IKZF1: variants seen among roughly 807,000 people sequenced by gnomAD.
IKZF1 encodes the protein DNA-binding protein Ikaros.
A neutral mutation model predicts 51.7 loss-of-function variants in IKZF1; 10 were observed. The observed-to-expected ratio is 0.19, with a 90% CI of 0.12 to 0.33. The LOEUF is 0.33. IKZF1 is among the 10% of genes least tolerant of loss of function. The pLI is 1.00. For missense variants in IKZF1, 484 were observed against 707.5 expected (o/e 0.68, Z 3.58); for synonymous variants, 280 against 282.3 (o/e 0.99, Z 0.08).
chr7:50,391,586 G>A, intron 6 of IKZF1, 143 bp from the exon 7 acceptor site: 1 of 1,264,784 alleles, frequency 7.9e-7, no homozygotes, highest in East Asian at 2.4e-5. Flanking sequence ...CTGTCTGGAA[G>A]TGTTGCTGGG....
chr7:50,329,717 C>A (rs1435362552), intron 3 of IKZF1, among the ~76,000 whole-genome samples: 2 of 152,184 alleles, frequency 1.3e-5, no homozygotes, highest in African/African-American at 4.8e-5. Context: ...GATGCTCACA[C>A]CCTGCCCAAG....
In IKZF1 at chr7:50,309,678, C is replaced by G. The variant is rs533859412; in HGVS notation, c.-15+4756C>G. On this transcript the variant is annotated intron_variant, in intron 1 of 7. Transcript: ENST00000331340. ...GAACAATGTGGTTTAGATTAGAGTC[C>G]TGTTCTGAAGCTAGGAGTTCCACTA... Among the ~76,000 whole-genome samples the G allele has an allele frequency of 5.3e-5, 8 of 152,222 alleles. No homozygotes were observed. The East Asian group carries it at 1.5e-3, about 29-fold the overall frequency.
At chr7:50,379,165 C>G (rs1584903251) in intron 4 of IKZF1, among the ~76,000 whole-genome samples, 1 of 152,336 alleles carries the variant, frequency 6.6e-6, no homozygotes, top group East Asian at 1.9e-4. Flanking sequence ...GCTTGTGGAG[C>G]ACAGAGCCGC....
intron 5 of IKZF1, among the ~76,000 whole-genome samples, chr7:50,383,084 A>G (rs1812320727): frequency 6.6e-6 from 1 of 152,194 alleles, no homozygotes; most frequent in African/African-American, 2.4e-5. Flanking sequence ...TTCAAGTACA[A>G]TTCTTTCTGT....
At chr7:50,390,168 C>T (rs547499768) in intron 6 of IKZF1, among the ~76,000 whole-genome samples, 16 of 152,272 alleles carry the variant, frequency 1.1e-4, no homozygotes, top group Admixed American at 9.8e-4. Flanking sequence ...GAGCATCAGG[C>T]TCACTTGTTC....
chr7:50,366,777 C>T (rs924654896), intron 3 of IKZF1, among the ~76,000 whole-genome samples: 1 of 152,134 alleles, frequency 6.6e-6, no homozygotes, highest in African/African-American at 2.4e-5. Flanking sequence ...AGCAGAATAA[C>T]TAAGGGCAAA....
At chr7:50,384,857 C>A (rs568641739) in intron 5 of IKZF1, among the ~76,000 whole-genome samples, 1 of 152,354 alleles carries the variant, frequency 6.6e-6, no homozygotes, top group Non-Finnish European at 1.5e-5. Context: ...GACACTCGTT[C>A]TTAGGTTGAC....
intron 3 of IKZF1, among the ~76,000 whole-genome samples, chr7:50,365,596 C>G (rs1002011249): frequency 6.6e-6 from 1 of 152,154 alleles, no homozygotes; most frequent in Non-Finnish European, 1.5e-5. Context: ...CCATCTCACA[C>G]CAGTCAGAAT....
intron 7 of IKZF1, chr7:50,394,456 G>A (rs1490785365): frequency 4.3e-6 from 1 of 233,146 alleles, no homozygotes; most frequent in Non-Finnish European, 8.5e-6. Context: ...TATCACACAA[G>A]CTGGCCCAAT....
Position 50,376,864 on chromosome 7 carries a change from CT to C in IKZF1, c.421+72del, listed in dbSNP as rs1365691034. 2.5e-6 allele frequency: 4 copies of C among 1,575,296 alleles called. No individual in the cohort carries two copies. The highest frequency in any genetic ancestry group is 3.4e-6 in the Non-Finnish European group (4 of 1,160,236). ...ATGGGGTTTGAAGGAGGAAAGCATC[CT>C]GTCTTCCTTGTGTTCTGAGCATGTT... is the stretch of plus-strand genomic sequence containing the variant. On this transcript the variant is annotated intron_variant, in intron 4 of 7. Coordinates refer to ENST00000331340, the MANE Select transcript of IKZF1 (RefSeq NM_006060.6). The surrounding 1 kb of genome is among the most constrained non-coding windows in gnomAD (Gnocchi z 4.5).
intron 5 of IKZF1, among the ~76,000 whole-genome samples, chr7:50,384,313 G>C (rs1198198365): frequency 6.6e-6 from 1 of 152,188 alleles, no homozygotes; most frequent in East Asian, 1.9e-4. Flanking sequence ...ACAGGGGCTG[G>C]TGCATCACCT....
chr7:50,399,971 G>C lies in IKZF1; in HGVS notation c.904G>C (p.Glu302Gln). ...PYDSSASYEK[E>Q]NEMMKSHVMD... ...CGACAGCAGCGCCAGCTACGAGAAG[G>C]AGAACGAAATGATGAAGTCCCACGT... Residue 302 changes from glutamate (E) to glutamine (Q), a missense_variant, in exon 8 of 8, where the codon GAG (glutamate) becomes CAG (glutamine). Physicochemically the swap from Glu to Gln is conservative, Grantham distance 29 (BLOSUM62 2). Around this residue, in one of 6 missense-constraint regions of IKZF1, gnomAD observed 172 missense variants for 192.7 expected, o/e 0.89. Coordinates refer to ENST00000331340, the MANE Select transcript of IKZF1 (RefSeq NM_006060.6). 5.0e-6 allele frequency: 8 copies of C among 1,613,564 alleles called. No homozygotes were observed. The highest frequency in any genetic ancestry group is 1.3e-5 in the African/African-American group (1 of 75,034).
intron 3 of IKZF1, among the ~76,000 whole-genome samples, chr7:50,333,271 C>A (rs904080440): frequency 6.8e-5 from 10 of 146,278 alleles, no homozygotes; most frequent in Admixed American, 6.4e-4. Flanking sequence ...ATTGGCTATT[C>A]TGGTGCCAAA....
chr7:50,384,365 A>G (rs974814857), intron 5 of IKZF1, among the ~76,000 whole-genome samples: 1 of 152,224 alleles, frequency 6.6e-6, no homozygotes, highest in Non-Finnish European at 1.5e-5. Context: ...CACATGGAGA[A>G]GGATCCCCAC....
At chr7:50,356,203 A>G (rs1191839504) in intron 3 of IKZF1, among the ~76,000 whole-genome samples, 2 of 152,228 alleles carry the variant, frequency 1.3e-5, no homozygotes, top group Non-Finnish European at 2.9e-5. Flanking sequence ...ATTATAATGT[A>G]AGGAAGTTTT....
In IKZF1 at chr7:50,392,316, T is replaced by TGACC. The variant is rs1221390413; in HGVS notation, c.850+454_850+457dup. ...TTAATGGGAGGAATCATACAGTGAC[T>TGACC]GACCCCTGAGAAGTGTCCAGTGAAG... is the stretch of plus-strand genomic sequence containing the variant. On this transcript the variant is annotated intron_variant, in intron 7 of 7. Coordinates refer to ENST00000331340, the MANE Select transcript of IKZF1 (RefSeq NM_006060.6). 3.3e-5 allele frequency among the ~76,000 whole-genome samples: 5 copies of TGACC among 152,312 alleles called. 1 individual carries two copies. In the Middle Eastern group the frequency reaches 0.01, roughly 311 times the overall value.
rs751805314 is a variant in IKZF1 at position 50,395,438 on chromosome 7, GA to G, written c.850+3578del. Among the ~76,000 whole-genome samples the G allele has an allele frequency of 1.4e-3, 215 of 151,614 alleles. 2 individuals are homozygous for G. The highest frequency in any genetic ancestry group is 2.4e-3 in the Non-Finnish European group (164 of 67,980). ...AAATATGTACTATGAAAAACATTAA[GA>G]AATTTGAATTTTTTTTAATCCATTT... is the stretch of plus-strand genomic sequence containing the variant. On this transcript the variant is annotated intron_variant, in intron 7 of 7. Transcript: ENST00000331340.
chr7:50,357,860 C>T (rs1803943823), intron 3 of IKZF1, among the ~76,000 whole-genome samples: 2 of 152,202 alleles, frequency 1.3e-5, no homozygotes, highest in Admixed American at 1.3e-4. Flanking sequence ...TTGGCCTCCA[C>T]TTTTCTTTTC....
intron 3 of IKZF1, among the ~76,000 whole-genome samples, chr7:50,366,697 A>G (rs1318983624): frequency 2.6e-5 from 4 of 152,218 alleles, no homozygotes; most frequent in African/African-American, 9.6e-5. Context: ...CCTATTTGCA[A>G]AAGGTAATAC....
Sources: allele counts gnomAD v4.1 joint callset (sites outside exome capture counted in the v4.1 genomes callset), GRCh38; gene constraint gnomAD v4.1.1; regional missense constraint gnomAD v4.1.1; non-coding constraint Gnocchi (gnomAD v3.1); transcripts MANE v1.5; gene names NCBI Gene and HGNC (gene_info 2026-07-23, HGNC 2026-07-21).